Variants in PCDHA8 observed in about 807,000 individuals in gnomAD.
PCDHA8 encodes protocadherin alpha 8.
A neutral mutation model predicts 61.8 loss-of-function variants in PCDHA8; 53 were observed. That is an observed-to-expected ratio of 0.86 (90% CI 0.69 to 1.08). The LOEUF (loss-of-function observed/expected upper bound fraction) is 1.08, where lower values mean the gene tolerates loss of function less well. Ranked by LOEUF, PCDHA8 falls within the 50% of genes least tolerant of loss-of-function variation. The pLI is 0.00. For synonymous variants in PCDHA8, 618 were observed against 556.6 expected, an observed-to-expected ratio of 1.11 and a Z score of -1.55; for missense variants, 1,293 against 1,245.0, an observed-to-expected ratio of 1.04 and a Z score of -0.58.
At chr5:140,850,208 G>T (rs2150473240) in intron 1 of PCDHA8, 1 of 1,593,570 alleles carries the variant, frequency 6.3e-7, no homozygotes, top group Non-Finnish European at 8.6e-7. Flanking sequence ...CTCGGATGAG[G>T]GGCACTGACG....
chr5:140,876,870 G>A (rs1278762768), intron 1 of PCDHA8: 2 of 1,614,000 alleles, frequency 1.2e-6, no homozygotes, highest in Non-Finnish European at 1.7e-6. Flanking sequence ...TCGTGAAGGA[G>A]AACAACCCGC....
At position 140,850,414 on chromosome 5, in the gene PCDHA8, C is replaced by T. The variant is rs2150483197; in HGVS notation, c.2394+6699C>T. The T allele has an allele frequency of 3.9e-5, 62 of 1,597,814 alleles. 5 individuals are homozygous for T. Among genetic ancestry groups the T allele is most frequent in the African/African-American group, 6.7e-5 (5 of 74,310 alleles). ...AGCACAACGCGTGCCCTGGACGAAA[C>T]GGACGCACCGCGCCAGCGCCTACTG... On this transcript the variant is annotated intron_variant, in intron 1 of 3. Coordinates refer to ENST00000531613, the MANE Select transcript of PCDHA8 (RefSeq NM_018911.3).
At chr5:140,951,832 C>A (rs2094641157) in intron 1 of PCDHA8, among the ~76,000 whole-genome samples, 1 of 152,142 alleles carries the variant, frequency 6.6e-6, no homozygotes, top group East Asian at 1.9e-4. Context: ...CTCATTCCAG[C>A]ATTAAGCCAA....
intron 3 of PCDHA8, among the ~76,000 whole-genome samples, chr5:140,986,653 A>T (rs61089397): frequency 0.012 from 1,845 of 152,236 alleles, 43 homozygotes; most frequent in African/African-American, 0.043. Context: ...AGAGTGGGAG[A>T]TGCTCACAGT....
rs2150315333 is a variant in PCDHA8, at chr5:140,841,429, C to G, written c.108C>G (p.Pro36=). The G allele has an allele frequency of 1.9e-6, 3 of 1,612,842 alleles. No individual in the cohort carries two copies. The highest frequency in any genetic ancestry group is 1.1e-5 in the South Asian group (1 of 91,018). ...VGSGQLHYSV[P]EEAKHGTFVG... is the part of the protein sequence containing the mutation. ...GCGGCCAGCTCCACTACTCCGTCCCCGAGGAGGCCAAACACGGCACCTTCG... is the reference window on the plus strand; with the variant it reads ...GCGGCCAGCTCCACTACTCCGTCCCGGAGGAGGCCAAACACGGCACCTTCG... Residue 36 remains proline, a synonymous_variant, in exon 1 of 4, where the codon CCC becomes CCG. Coordinates refer to ENST00000531613, the MANE Select transcript of PCDHA8 (RefSeq NM_018911.3).
At chr5:140,946,588 A>G (rs2093966025) in intron 1 of PCDHA8, among the ~76,000 whole-genome samples, 1 of 147,134 alleles carries the variant, frequency 6.8e-6, no homozygotes, top group South Asian at 2.1e-4. Context: ...TTCATAGTGG[A>G]TGAATAGATA....
intron 1 of PCDHA8, among the ~76,000 whole-genome samples, chr5:140,895,297 T>TC (rs1269688627): frequency 1.3e-5 from 2 of 152,118 alleles, no homozygotes; most frequent in African/African-American, 2.4e-5. Context: ...ACCTTCGATT[T>TC]CCCCCCTTCC....
chr5:140,855,249 C>A (rs910025262), intron 1 of PCDHA8, among the ~76,000 whole-genome samples: 1 of 149,670 alleles, frequency 6.7e-6, no homozygotes, highest in African/African-American at 2.4e-5. Flanking sequence ...ATTGCAAGCA[C>A]TTACTATATT....
intron 1 of PCDHA8, among the ~76,000 whole-genome samples, chr5:140,846,139 A>G (rs1196969415): frequency 6.7e-6 from 1 of 149,708 alleles, no homozygotes; most frequent in Non-Finnish European, 1.5e-5. Flanking sequence ...TGTTTCCCAT[A>G]TTTAAAAGTT....
At chr5:140,875,841 G>A in intron 1 of PCDHA8, 2 of 1,614,164 alleles carry the variant, frequency 1.2e-6, no homozygotes, top group Non-Finnish European at 1.7e-6. Flanking sequence ...ACGTGGAGGT[G>A]AAGGACATTA....
chr5:140,999,812 G>A (rs1305602487), intron 3 of PCDHA8, among the ~76,000 whole-genome samples: 2 of 152,270 alleles, frequency 1.3e-5, no homozygotes, highest in East Asian at 3.9e-4. Flanking sequence ...CACAAAGCAA[G>A]AGCTGTGGCT....
At chr5:140,900,073 G>T (rs1490261769) in intron 1 of PCDHA8, among the ~76,000 whole-genome samples, 1 of 152,072 alleles carries the variant, frequency 6.6e-6, no homozygotes, top group African/African-American at 2.4e-5. Flanking sequence ...GCCTCCAAAA[G>T]TGCTGCAGTT....
intron 1 of PCDHA8, among the ~76,000 whole-genome samples, chr5:140,921,809 C>CA (rs1184598188): frequency 6.6e-6 from 1 of 151,940 alleles, no homozygotes; most frequent in Non-Finnish European, 1.5e-5. Context: ...AGATAAGATA[C>CA]ATGTGTGAAT....
In PCDHA8 at chr5:140,856,768, C is replaced by G; in HGVS notation, c.2394+13053C>G. 1.3e-6 allele frequency: 2 copies of G among 1,596,818 alleles called. 1 individual carries two copies. ...TAGATGCCAATGATAACGCCCCTAT[C>G]TTTGACAGACCGGTTTATGAAGTTA... On this transcript the variant is annotated intron_variant, in intron 1 of 3. Coordinates refer to ENST00000531613, the MANE Select transcript of PCDHA8 (RefSeq NM_018911.3).
intron 1 of PCDHA8, chr5:140,875,810 C>A: frequency 6.2e-7 from 1 of 1,614,106 alleles, no homozygotes; most frequent in Non-Finnish European, 8.5e-7. Flanking sequence ...GTGGACAGGC[C>A]GCTGCAGGTT....
In PCDHA8 at chr5:140,850,602, G is replaced by T. The variant is rs146973370; in HGVS notation, c.2394+6887G>T. ...GGATGTCAACGTGTACCTGATCATC[G>T]CCATCTGCGCGGTGTCTAGCCTGTT... On this transcript the variant is annotated intron_variant, in intron 1 of 3. Coordinates refer to ENST00000531613, the MANE Select transcript of PCDHA8 (RefSeq NM_018911.3). 1.5e-4 allele frequency: 240 copies of T among 1,598,420 alleles called. 25 individuals carry two copies. The highest frequency in any genetic ancestry group is 1.8e-4 in the Non-Finnish European group (209 of 1,167,886).
intron 3 of PCDHA8, among the ~76,000 whole-genome samples, chr5:141,007,166 A>C (rs548434277): frequency 3.3e-5 from 5 of 152,294 alleles, no homozygotes; most frequent in Admixed American, 6.5e-5. Context: ...GAACAGTCAG[A>C]GAGAAAGGTC....
intron 1 of PCDHA8, among the ~76,000 whole-genome samples, chr5:140,945,407 T>G (rs554073823): frequency 6.6e-6 from 1 of 152,128 alleles, no homozygotes; most frequent in Non-Finnish European, 1.5e-5. Context: ...ATACAATTCG[T>G]ATCAAAATTT....
chr5:140,984,478 A>G (rs1374350616), intron 3 of PCDHA8, among the ~76,000 whole-genome samples: 1 of 152,078 alleles, frequency 6.6e-6, no homozygotes, highest in Non-Finnish European at 1.5e-5. Flanking sequence ...TGTATAACCC[A>G]TTTTATCCAG....
Sources: gnomAD v4.1 joint callset for allele counts (sites outside exome capture counted in the v4.1 genomes callset) on GRCh38, gnomAD v4.1.1 for gene constraint, MANE v1.5 for transcripts, NCBI Gene and HGNC (gene_info 2026-07-23, HGNC 2026-07-21) for gene names.